TRIM36: variants seen among roughly 807,000 people sequenced by gnomAD.
TRIM36 encodes tripartite motif containing 36.
In TRIM36, 42 loss-of-function variants were observed where a neutral mutation model predicts 72.4. The ratio of observed to expected loss-of-function variants is 0.58; its 90% confidence interval spans 0.45 to 0.75. TRIM36 has a LOEUF of 0.75. Ranked by LOEUF, TRIM36 falls within the 30% of genes least tolerant of loss-of-function variation. The pLI is 0.00. For missense variants in TRIM36, 913 were observed against 857.1 expected (o/e 1.07, Z -0.81); for synonymous variants, 315 against 282.8 (o/e 1.11, Z -1.14).
intron 2 of TRIM36, among the ~76,000 whole-genome samples, chr5:115,152,121 G>T (rs1561436331): frequency 6.6e-6 from 1 of 152,114 alleles, no homozygotes; most frequent in Non-Finnish European, 1.5e-5. Flanking sequence ...TCCAAAAAAT[G>T]ATACAAGAAG....
At chr5:115,143,887 T>C (rs888604555) in intron 4 of TRIM36, among the ~76,000 whole-genome samples, 7 of 152,162 alleles carry the variant, frequency 4.6e-5, no homozygotes, top group African/African-American at 1.4e-4. Context: ...TTGTTTGTTT[T>C]TGAGACAGAG....
intron 9 of TRIM36, among the ~76,000 whole-genome samples, chr5:115,127,384 A>T (rs113008581): frequency 1.3e-5 from 2 of 152,176 alleles, no homozygotes; most frequent in African/African-American, 4.8e-5. Context: ...AACATGACAA[A>T]ACCATATCTC....
Position 115,137,199 on chromosome 5 carries a change from C to T in TRIM36, c.1086-75G>A, listed in dbSNP as rs1753008799. ...GACTAAATATCTGCAACATGATTAA[C>T]AAAATAAAACCCACACTTCACTCAA... is the stretch of plus-strand genomic sequence containing the variant. On this transcript the variant is annotated intron_variant, in intron 6 of 9. Coordinates refer to ENST00000513154, the MANE Select transcript of TRIM36 (RefSeq NM_001300759.2). The T allele has an allele frequency of 2.7e-6, 4 of 1,488,044 alleles. No homozygotes were observed. The Admixed American group carries it at 9.9e-5, about 37-fold the overall frequency. The allele number at this position is 1,488,044 out of a possible 1,614,324, so 92.2% of individuals were successfully genotyped here.
intron 4 of TRIM36, among the ~76,000 whole-genome samples, chr5:115,142,328 C>T (rs1753321857): frequency 6.6e-6 from 1 of 152,168 alleles, no homozygotes; most frequent in Admixed American, 6.5e-5. Context: ...CCATCCCTAA[C>T]AGGCCTATGT....
At chr5:115,128,237 C>A (rs11954156) in intron 9 of TRIM36, among the ~76,000 whole-genome samples, 1 of 151,340 alleles carries the variant, frequency 6.6e-6, no homozygotes, top group South Asian at 2.1e-4. Context: ...GGTGTGGTGG[C>A]GCATGCCTGT....
At chr5:115,133,254 A>G (rs552014284) in intron 8 of TRIM36, among the ~76,000 whole-genome samples, 1 of 152,300 alleles carries the variant, frequency 6.6e-6, no homozygotes, top group African/African-American at 2.4e-5. Context: ...AGTCATTCAC[A>G]TTCTATAAAA....
intron 5 of TRIM36, among the ~76,000 whole-genome samples, chr5:115,140,702 C>A (rs554041499): frequency 1.3e-5 from 2 of 152,240 alleles, no homozygotes; most frequent in South Asian, 4.1e-4. Context: ...GACATTACTG[C>A]AAGATTAATC....
chr5:115,171,561 C>T (rs867817425), upstream of TRIM36, among the ~76,000 whole-genome samples: 2 of 152,182 alleles, frequency 1.3e-5, no homozygotes, highest in South Asian at 2.1e-4. Context: ...AATAATTCCC[C>T]TTGGGCTGTA....
At chr5:115,155,206 G>C (rs779543178) in intron 2 of TRIM36, among the ~76,000 whole-genome samples, 2 of 151,626 alleles carry the variant, frequency 1.3e-5, no homozygotes, top group African/African-American at 2.4e-5. Flanking sequence ...TAATTAGCCA[G>C]GTGTGGTGGC....
chr5:115,174,146 A>C (rs1178597994), upstream of TRIM36: 5 of 152,226 alleles, frequency 3.3e-5, no homozygotes, highest in Non-Finnish European at 5.9e-5. Flanking sequence ...ATTGATTCCT[A>C]ATACCCAACA....
intron 3 of TRIM36, 94 bp from the exon 4 acceptor site, chr5:115,144,838 T>A: frequency 7.4e-7 from 1 of 1,360,474 alleles, no homozygotes; most frequent in Non-Finnish European, 1.0e-6. Flanking sequence ...ATAAAATCAC[T>A]AAATAAAGCC....
At chr5:115,138,483 T>C (rs1753092140) in intron 5 of TRIM36, among the ~76,000 whole-genome samples, 1 of 152,226 alleles carries the variant, frequency 6.6e-6, no homozygotes, top group Non-Finnish European at 1.5e-5. Flanking sequence ...CACTTTAATA[T>C]AATTATAATT....
In TRIM36 at chr5:115,137,075, T is replaced by C. The variant is rs898285296; in HGVS notation, c.1135A>G (p.Thr379Ala). ...SLKSFRPAAQ[T>A]SFEDYVVNTS... ...TTAACAACATAGTCTTCAAAAGAAG[T>C]CTGAGCTGCAGGTCTAAAGCTCTTC... Residue 379 changes from threonine (T) to alanine (A), a missense_variant, in exon 7 of 10, where the codon ACT becomes GCT. By Grantham distance (58) the Thr-to-Ala change is moderately conservative. Transcript: ENST00000513154. The C allele has an allele frequency of 5.0e-6, 8 of 1,611,290 alleles. No homozygotes were observed. The African/African-American group carries it at 9.4e-5, about 19-fold the overall frequency.
chr5:115,129,483 G>A lies in TRIM36; in HGVS notation c.1796+1109C>T, dbSNP rs372471427. Among the ~76,000 whole-genome samples, 10 of 152,232 alleles carry A rather than the reference G, an allele frequency of 6.6e-5. No individual in the cohort carries two copies. The East Asian group carries it at 1.2e-3, about 18-fold the overall frequency. ...TGAGGCAGAAGAATCGCTTGAACCC[G>A]GGAGGCAGAGGTTGCGGTGAGCCAA... is the stretch of plus-strand genomic sequence containing the variant. On this transcript the variant is annotated intron_variant, in intron 9 of 9. Transcript: ENST00000513154.
rs114748373 is a variant in TRIM36 at position 115,135,612 on chromosome 5, C to T, written c.1210+1388G>A. On this transcript the variant is annotated intron_variant, in intron 7 of 9. Coordinates refer to ENST00000513154, the MANE Select transcript of TRIM36 (RefSeq NM_001300759.2). ...TACAGTGGTATAACCCAGGATAACCCACCCTCAACCTTACCTTTCCAGCAA... is the reference window on the plus strand; with the variant it reads ...TACAGTGGTATAACCCAGGATAACCTACCCTCAACCTTACCTTTCCAGCAA... 7.9e-3 allele frequency among the ~76,000 whole-genome samples: 1,202 copies of T among 152,210 alleles called. 7 individuals carry two copies. Among genetic ancestry groups the T allele is most frequent in the Middle Eastern group, 0.027 (8 of 294 alleles).
At position 115,125,729 on chromosome 5, in the gene TRIM36, A is replaced by G. The variant is rs1752334121; in HGVS notation, c.*774T>C. 1 of 152,142 alleles carries G rather than the reference A, an allele frequency of 6.6e-6. No individual in the cohort carries two copies. The highest frequency in any genetic ancestry group is 1.5e-5 in the Non-Finnish European group (1 of 67,980). 9.4% of individuals were successfully genotyped at this position (152,142 alleles called of 1,614,324 possible). ...ATATTTTCACAGAATAAGAAAAACT[A>G]AAGATAAATTTCTCTGAAAAAAAGT... On this transcript the variant is annotated 3_prime_UTR_variant, in exon 10 of 10. Transcript: ENST00000513154.
chr5:115,138,565 TA>T (rs1321017127), intron 5 of TRIM36, among the ~76,000 whole-genome samples: 1 of 151,752 alleles, frequency 6.6e-6, no homozygotes, highest in African/African-American at 2.4e-5. Flanking sequence ...CTTCTGAAAA[TA>T]GGGGATAAGA....
chr5:115,134,071 T>C lies in TRIM36; in HGVS notation c.1287A>G (p.Glu429=). The change falls in exon 8 of 10, where the codon GAA becomes GAG. Residue 429 remains glutamate, a synonymous_variant. Transcript: ENST00000513154. Reference sequence around the variant, plus strand: ...GAACATAGCTATCAGCTTTATCCTTTTCTGGATGGTGCCAATTTATCAAGG... The same window carrying C: ...GAACATAGCTATCAGCTTTATCCTTCTCTGGATGGTGCCAATTTATCAAGG... ...NNALINWHHP[E]KDKADSYVLE... is the part of the protein sequence containing the mutation. 2 of 1,613,102 alleles carry C rather than the reference T, an allele frequency of 1.2e-6. No individual in the cohort carries two copies. The highest frequency in any genetic ancestry group is 1.3e-5 in the African/African-American group (1 of 75,010).
At chr5:115,146,328 G>A (rs1290571706) in intron 3 of TRIM36, among the ~76,000 whole-genome samples, 3 of 151,948 alleles carry the variant, frequency 2.0e-5, no homozygotes, top group African/African-American at 4.8e-5. Context: ...CAAATTAAAG[G>A]TTTTACACTT....
Sources: gnomAD v4.1 joint callset for allele counts (sites outside exome capture counted in the v4.1 genomes callset) on GRCh38, gnomAD v4.1.1 for gene constraint, MANE v1.5 for transcripts, NCBI Gene and HGNC (gene_info 2026-07-23, HGNC 2026-07-21) for gene names.